The following ROBO1 variants were observed in gnomAD, a reference collection of about 807,000 sequenced individuals.
The protein encoded by ROBO1 is roundabout homolog 1.
Under a neutral mutation model 195.9 loss-of-function variants are expected in ROBO1, and 149 were observed. The observed-to-expected ratio is 0.76, with a 90% CI of 0.67 to 0.87. The LOEUF is 0.87. Ranked by LOEUF, ROBO1 falls within the 40% of genes least tolerant of loss-of-function variation. The pLI is 0.00. For missense variants in ROBO1, 1,933 were observed against 2,068.3 expected (o/e 0.93, Z 1.27); for synonymous variants, 816 against 733.2 (o/e 1.11, Z -1.82).
At chr3:79,749,611 C>T (rs1213413588) in intron 1 of ROBO1, among the ~76,000 whole-genome samples, 1 of 152,168 alleles carries the variant, frequency 6.6e-6, no homozygotes, top group East Asian at 1.9e-4. Flanking sequence ...AGCCTAGGGA[C>T]TTGGTGCCCC....
chr3:79,054,936 A>G (rs1161969565), intron 3 of ROBO1, among the ~76,000 whole-genome samples: 4 of 152,142 alleles, frequency 2.6e-5, no homozygotes, highest in Admixed American at 6.6e-5. Flanking sequence ...CAGCCAACCC[A>G]GATGGGTCCC....
intron 2 of ROBO1, among the ~76,000 whole-genome samples, chr3:79,351,563 T>G (rs1442585337): frequency 6.6e-6 from 1 of 152,144 alleles, no homozygotes; most frequent in Non-Finnish European, 1.5e-5. Context: ...ATTTAGTTTC[T>G]TTATGTTCCT....
chr3:79,565,731 G>C (rs1943068529), intron 2 of ROBO1, among the ~76,000 whole-genome samples: 1 of 151,984 alleles, frequency 6.6e-6, no homozygotes, highest in Non-Finnish European at 1.5e-5. Flanking sequence ...AATACCAGTA[G>C]GTCCCAAACT....
At chr3:79,204,614 C>T (rs1398620775) in intron 2 of ROBO1, among the ~76,000 whole-genome samples, 1 of 152,104 alleles carries the variant, frequency 6.6e-6, no homozygotes, top group Non-Finnish European at 1.5e-5. Context: ...GGATTAAGAC[C>T]TGCCACAGAT....
chr3:78,857,928 A>T (rs1173408331), intron 4 of ROBO1, among the ~76,000 whole-genome samples: 6 of 152,140 alleles, frequency 3.9e-5, no homozygotes, highest in Non-Finnish European at 4.4e-5. Flanking sequence ...CATAATGGAA[A>T]CTTTGATGTT....
intron 1 of ROBO1, among the ~76,000 whole-genome samples, chr3:79,621,808 A>C (rs758344109): frequency 1.3e-5 from 2 of 152,218 alleles, no homozygotes; most frequent in Admixed American, 6.5e-5. Context: ...TCAAAAAATC[A>C]TATGTAAATG....
At chr3:79,135,883 C>T (rs930498729) in intron 2 of ROBO1, among the ~76,000 whole-genome samples, 5 of 152,146 alleles carry the variant, frequency 3.3e-5, no homozygotes, top group Non-Finnish European at 5.9e-5. Context: ...GTGATCCACC[C>T]GCCTTGGCCT....
intron 2 of ROBO1, among the ~76,000 whole-genome samples, chr3:79,234,733 T>C (rs1490632223): frequency 6.6e-6 from 1 of 151,974 alleles, no homozygotes; most frequent in Non-Finnish European, 1.5e-5. Flanking sequence ...GAAAACCAAA[T>C]ATAATATGAT....
intron 4 of ROBO1, among the ~76,000 whole-genome samples, chr3:78,870,749 G>A (rs997665093): frequency 4.6e-5 from 7 of 152,122 alleles, no homozygotes; most frequent in Non-Finnish European, 8.8e-5. Flanking sequence ...TGAACACAAG[G>A]CTTTTGAGGT....
rs559511083 is a variant in ROBO1 at position 78,614,642 on chromosome 3, A to T, written c.4435+6T>A. The T allele has an allele frequency of 3.1e-5, 50 of 1,612,768 alleles. No individual in the cohort carries two copies. Among genetic ancestry groups the T allele is most frequent in the Non-Finnish European group, 4.0e-5 (47 of 1,179,348 alleles). ...TAGACGTTTTCATCCGTGTCAATGG[A>T]CTCACCATCTGTGTAGGTTTCTCTG... On this transcript the variant is annotated splice_donor_region_variant and intron_variant, in intron 28 of 30. Coordinates refer to ENST00000464233, the MANE Select transcript of ROBO1 (RefSeq NM_002941.4).
At position 79,701,079 on chromosome 3, in the gene ROBO1, G is replaced by C. The variant is rs114770334; in HGVS notation, c.-51+66673C>G. On this transcript the variant is annotated intron_variant, in intron 1 of 30. Coordinates refer to ENST00000464233, the MANE Select transcript of ROBO1 (RefSeq NM_002941.4). ...ATCCCATCACCATTTATCGAATAGA[G>C]AGTCCTTTACACATTTTTTATTTTT... 4.3e-3 allele frequency among the ~76,000 whole-genome samples: 657 copies of C among 151,846 alleles called. 7 individuals carry two copies. Among genetic ancestry groups the C allele is most frequent in the African/African-American group, 0.015 (630 of 41,480 alleles).
chr3:78,847,214 T>C (rs1431494885), intron 4 of ROBO1, among the ~76,000 whole-genome samples: 1 of 152,110 alleles, frequency 6.6e-6, no homozygotes, highest in African/African-American at 2.4e-5. Flanking sequence ...TGAAATCATA[T>C]GGAGGATGGA....
In ROBO1 at chr3:79,542,814, T is replaced by C. The variant is rs1040125252; in HGVS notation, c.88+47010A>G. Among the ~76,000 whole-genome samples, 16 of 152,028 alleles carry C rather than the reference T, an allele frequency of 1.1e-4. No individual in the cohort carries two copies. In the South Asian group the frequency reaches 2.3e-3, roughly 22 times the overall value. On this transcript the variant is annotated intron_variant, in intron 2 of 30. Transcript: ENST00000464233. The stretch of plus-strand genomic sequence containing the variant: ...GTTCCTTTCCTACTTCTTTATTTTT[T>C]AGTTGTCAGGAAGGTGTGTGATTTG...
At chr3:79,146,029 T>C (rs1335910139) in intron 2 of ROBO1, among the ~76,000 whole-genome samples, 1 of 83,924 alleles carries the variant, frequency 1.2e-5, no homozygotes. Flanking sequence ...ATATTAAAGA[T>C]AAAGAAAGCA....
chr3:79,407,930 G>T (rs960038797), intron 2 of ROBO1, among the ~76,000 whole-genome samples: 1 of 151,990 alleles, frequency 6.6e-6, no homozygotes, highest in Admixed American at 6.6e-5. Context: ...GATTGTGGGG[G>T]TTCTATAAAC....
In ROBO1 at chr3:78,600,149, T is replaced by G. The variant is rs760359217; in HGVS notation, c.4905A>C (p.Gly1635=). 6.2e-7 allele frequency: 1 copy of G among 1,613,328 alleles called. No individual in the cohort carries two copies. Among genetic ancestry groups the G allele is most frequent in the Non-Finnish European group, 8.5e-7 (1 of 1,179,530 alleles). ...CATTATTATCTTCTCCTCTTTCATA[T>G]CCTCCAAGTACCTGCATTTCTGCAA... ...RNIAEMQVLG[G]YERGEDNNEE... The change falls in exon 30 of 31, where the codon GGA becomes GGC. Residue 1635 remains glycine (G), a synonymous_variant. Coordinates refer to ENST00000464233, the MANE Select transcript of ROBO1 (RefSeq NM_002941.4).
intron 3 of ROBO1, among the ~76,000 whole-genome samples, chr3:78,945,779 T>A (rs1041872855): frequency 2.6e-5 from 4 of 152,006 alleles, no homozygotes; most frequent in Admixed American, 2.6e-4. Flanking sequence ...GAAAAAATAT[T>A]AGATGAATGG....
At chr3:79,193,677 G>C (rs1345609951) in intron 2 of ROBO1, among the ~76,000 whole-genome samples, 1 of 140,414 alleles carries the variant, frequency 7.1e-6, no homozygotes, top group Non-Finnish European at 1.5e-5. Flanking sequence ...TCTGATTTTA[G>C]GATACATTTC....
chr3:78,810,836 G>A (rs1471207051), intron 4 of ROBO1, among the ~76,000 whole-genome samples: 1 of 152,132 alleles, frequency 6.6e-6, no homozygotes, highest in Middle Eastern at 3.4e-3. Context: ...TTTAAACACT[G>A]AATGTTTCAC....
Sources: allele counts gnomAD v4.1 joint callset (sites outside exome capture counted in the v4.1 genomes callset), GRCh38; gene constraint gnomAD v4.1.1; transcripts MANE v1.5; gene names NCBI Gene and HGNC (gene_info 2026-07-23, HGNC 2026-07-21).